RANBP17: variants seen among roughly 807,000 people sequenced by gnomAD.
The protein encoded by RANBP17 is RAN binding protein 17, also known as ran-binding protein 17.
Under a neutral mutation model 141.2 loss-of-function variants are expected in RANBP17, and 158 were observed. That is an observed-to-expected ratio of 1.12 (90% CI 0.98 to 1.28). RANBP17 has a LOEUF of 1.28. Among genes scored for constraint, RANBP17 ranks in the 50% most tolerant of loss-of-function variants. RANBP17 has a pLI of 0.00. For missense variants in RANBP17, 1,438 were observed against 1,290.7 expected (o/e 1.11, Z -1.75); for synonymous variants, 430 against 450.0 (o/e 0.96, Z 0.56).
intron 14 of RANBP17, among the ~76,000 whole-genome samples, chr5:171,088,048 T>G (rs10079369): frequency 0.61 from 88,354 of 145,672 alleles, 27,366 homozygotes; most frequent in South Asian, 0.85. Flanking sequence ...TGATGCAGTT[T>G]CTTCCTAGTC....
intron 13 of RANBP17, among the ~76,000 whole-genome samples, chr5:170,957,438 T>G (rs1184652178): frequency 6.6e-6 from 1 of 152,186 alleles, no homozygotes; most frequent in African/African-American, 2.4e-5. Flanking sequence ...ATTTGCCTAC[T>G]TCATAAAATG....
intron 14 of RANBP17, among the ~76,000 whole-genome samples, chr5:171,139,342 C>T (rs533597128): frequency 6.6e-6 from 1 of 152,112 alleles, no homozygotes; most frequent in African/African-American, 2.4e-5. Context: ...CCTACTCTAC[C>T]CCATTGTTGG....
At position 170,953,847 on chromosome 5, in the gene RANBP17, G is replaced by C. The variant is rs534714837; in HGVS notation, c.1574+145G>C. ...CCTTTTTATTGGTGAGAAAACCAAG[G>C]CTCAAAGGTTAAATGATTTGTAGAA... On this transcript the variant is annotated intron_variant, in intron 13 of 27. Coordinates refer to ENST00000523189, the MANE Select transcript of RANBP17 (RefSeq NM_022897.5). The C allele has an allele frequency of 1.0e-4, 61 of 592,174 alleles. 1 individual carries two copies. Among genetic ancestry groups the C allele is most frequent in the Non-Finnish European group, 1.7e-4 (58 of 338,198 alleles). The allele number at this position is 592,174 out of a possible 1,614,324, so 36.7% of individuals were successfully genotyped here. A position where few individuals can be genotyped will look rare whatever the true frequency, so the allele number is the denominator to read the frequency against.
chr5:171,229,758 G>T (rs373762458), intron 22 of RANBP17, among the ~76,000 whole-genome samples: 2 of 132,154 alleles, frequency 1.5e-5, no homozygotes, highest in African/African-American at 5.8e-5. Flanking sequence ...AGATGCAAAA[G>T]GAAAAAAAAA....
chr5:170,884,182 C>T (rs1768956106), intron 3 of RANBP17, among the ~76,000 whole-genome samples: 1 of 152,076 alleles, frequency 6.6e-6, no homozygotes, highest in Non-Finnish European at 1.5e-5. Flanking sequence ...ATTTGTATTT[C>T]CCTGAGAACA....
At chr5:170,991,413 T>C (rs1778499671) in intron 14 of RANBP17, among the ~76,000 whole-genome samples, 1 of 151,974 alleles carries the variant, frequency 6.6e-6, no homozygotes, top group Non-Finnish European at 1.5e-5. Context: ...AACCCAATTG[T>C]TGCTTGTAAA....
At chr5:171,277,637 G>GTATATATATATATATATATATATA (rs70982330) in intron 25 of RANBP17, among the ~76,000 whole-genome samples, 27 of 56,904 alleles carry the variant, frequency 4.7e-4, no homozygotes, top group East Asian at 8.8e-4. Flanking sequence ...ATATATGTAT[G>GTATATATATATATATATATATATA]TATATATATA....
At position 170,919,887 on chromosome 5, in the gene RANBP17, C is replaced by A. The variant is rs192450813; in HGVS notation, c.1274+274C>A. The stretch of plus-strand genomic sequence containing the variant: ...TGTGTACCTGTAATTTTTTTTTTGT[C>A]TTTTCCAGAATGTTGTATAAATGAA... On this transcript the variant is annotated intron_variant, in intron 11 of 27. Coordinates refer to ENST00000523189, the MANE Select transcript of RANBP17 (RefSeq NM_022897.5). 6.4e-3 allele frequency among the ~76,000 whole-genome samples: 973 copies of A among 151,070 alleles called. 7 individuals are homozygous for A. Among genetic ancestry groups the A allele is most frequent in the African/African-American group, 0.022 (928 of 41,302 alleles).
At chr5:171,199,224 TAAATA>T (rs1377347076) in intron 18 of RANBP17, among the ~76,000 whole-genome samples, 2 of 151,782 alleles carry the variant, frequency 1.3e-5, no homozygotes, top group Admixed American at 6.6e-5. Context: ...AAAAAGAACA[TAAATA>T]AAAGAGAATA....
At position 170,914,293 on chromosome 5, in the gene RANBP17, G is replaced by A. The variant is rs187158695; in HGVS notation, c.834+53G>A. 1.0e-3 allele frequency: 1,193 copies of A among 1,145,538 alleles called. 9 individuals carry two copies. The African/African-American group carries it at 0.017, about 16-fold the overall frequency. 71.0% of individuals were successfully genotyped at this position (1,145,538 alleles called of 1,614,324 possible). A position where few individuals can be genotyped will look rare whatever the true frequency, so the allele number is the denominator to read the frequency against. On this transcript the variant is annotated intron_variant, in intron 8 of 27. Transcript: ENST00000523189. Reference sequence around the variant, plus strand: ...TAAAAAATACCTGTGTAAATAAGGGGTGGTATATATTTACTTCAAAAATTC... The same window carrying A: ...TAAAAAATACCTGTGTAAATAAGGGATGGTATATATTTACTTCAAAAATTC...
At chr5:170,996,883 AT>A (rs1218735569) in intron 14 of RANBP17, among the ~76,000 whole-genome samples, 5 of 152,308 alleles carry the variant, frequency 3.3e-5, no homozygotes, top group African/African-American at 1.2e-4. Context: ...CCAAAACTGC[AT>A]TTTGACTCCA....
At chr5:171,119,815 G>GGGCA (rs1755891499) in intron 14 of RANBP17, among the ~76,000 whole-genome samples, 1 of 152,000 alleles carries the variant, frequency 6.6e-6, no homozygotes, top group African/African-American at 2.4e-5. Flanking sequence ...CAAGACAGGA[G>GGGCA]GATCACCTGA....
chr5:171,195,631 T>G lies in RANBP17; in HGVS notation c.2039-4039T>G, dbSNP rs528295116. ...TCTTCTGACTTCATGCAGCTCCAAA[T>G]TTAGGATTCTGTGACAATAACATTA... On this transcript the variant is annotated intron_variant, in intron 18 of 27. Transcript: ENST00000523189. Among the ~76,000 whole-genome samples the G allele has an allele frequency of 2.0e-5, 3 of 152,340 alleles. No homozygotes were observed. The South Asian group carries it at 6.2e-4, about 32-fold the overall frequency.
chr5:170,875,134 T>G (rs1195561864), intron 1 of RANBP17, among the ~76,000 whole-genome samples: 1 of 152,162 alleles, frequency 6.6e-6, no homozygotes, highest in Admixed American at 6.5e-5. Flanking sequence ...ATTCTTGACT[T>G]TAAGAATGTT....
intron 12 of RANBP17, among the ~76,000 whole-genome samples, chr5:170,927,819 A>G (rs1204542948): frequency 6.6e-6 from 1 of 152,108 alleles, no homozygotes; most frequent in East Asian, 1.9e-4. Context: ...ATTGCAAATA[A>G]TGATGTTATT....
chr5:171,258,281 G>A (rs1337628721), intron 24 of RANBP17, among the ~76,000 whole-genome samples: 1 of 152,064 alleles, frequency 6.6e-6, no homozygotes, highest in Non-Finnish European at 1.5e-5. Flanking sequence ...TCATGGATCG[G>A]AAGAATATTG....
intron 13 of RANBP17, among the ~76,000 whole-genome samples, chr5:170,965,474 A>T (rs1231822751): frequency 2.0e-5 from 3 of 152,178 alleles, no homozygotes; most frequent in African/African-American, 7.2e-5. Context: ...GTCCTTGCCC[A>T]TGCCTATGTT....
At chr5:170,992,214 C>T (rs1241638194) in intron 14 of RANBP17, among the ~76,000 whole-genome samples, 1 of 152,010 alleles carries the variant, frequency 6.6e-6, no homozygotes, top group East Asian at 1.9e-4. Context: ...TTGCTCTCCT[C>T]TGCTATCCTT....
At chr5:171,082,621 G>A (rs1434595079) in intron 14 of RANBP17, among the ~76,000 whole-genome samples, 1 of 152,030 alleles carries the variant, frequency 6.6e-6, no homozygotes, top group East Asian at 1.9e-4. Flanking sequence ...TAATTTTCTG[G>A]TCACATAAAT....
Sources: allele counts gnomAD v4.1 joint callset (sites outside exome capture counted in the v4.1 genomes callset), GRCh38; gene constraint gnomAD v4.1.1; transcripts MANE v1.5; gene names NCBI Gene and HGNC (gene_info 2026-07-23, HGNC 2026-07-21).